The following PSAP variants were observed in gnomAD, a reference collection of about 807,000 sequenced individuals.
PSAP encodes prosaposin.
In PSAP, 25 loss-of-function variants were observed where a neutral mutation model predicts 66.0. The ratio of observed to expected loss-of-function variants is 0.38; its 90% CI spans 0.28 to 0.53. PSAP has a LOEUF of 0.53. PSAP is among the 20% of genes least tolerant of loss of function. The pLI is 0.83. For missense variants in PSAP, 649 were observed against 668.8 expected (o/e 0.97, Z 0.33); for synonymous variants, 273 against 258.9 (o/e 1.05, Z -0.52).
rs1378455894 is a variant in PSAP, at chr10:71,819,869, C to A, written c.1037G>T (p.Cys346Phe). 1.2e-6 allele frequency: 2 copies of A among 1,614,012 alleles called. No individual in the cohort carries two copies. Among genetic ancestry groups the A allele is most frequent in the East Asian group, 2.2e-5 (1 of 44,886 alleles). Residue 346 changes from cysteine to phenylalanine, a missense_variant, in exon 10 of 14, where the codon TGC becomes TTC. Cys to Phe is a radical substitution (Grantham distance 205). Transcript: ENST00000394936. Reference sequence around the variant, plus strand: ...CGACAGGGACTTCGGCAGCTTCGAGCACATTTTGTCAAAAGCGTCGAGTAT... The same window carrying A: ...CGACAGGGACTTCGGCAGCTTCGAGAACATTTTGTCAAAAGCGTCGAGTAT... ...KEILDAFDKM[C>F]SKLPKSLSEE...
chr10:71,833,032 C>CAAAAAAAAAA (rs1220122223), intron 2 of PSAP, among the ~76,000 whole-genome samples: 1 of 95,362 alleles, frequency 1.0e-5, no homozygotes, highest in Non-Finnish European at 2.0e-5. Flanking sequence ...AAAAAAAAAA[C>CAAAAAAAAAA]AAAAAACAAA....
intron 5 of PSAP, 136 bp from the exon 6 acceptor site, chr10:71,828,293 C>T: frequency 1.1e-6 from 1 of 892,886 alleles, no homozygotes; most frequent in Non-Finnish European, 1.9e-6. Context: ...TCTCAAATTA[C>T]TGATAGGCTT....
chr10:71,843,411 T>G (rs1056091340), intron 1 of PSAP, among the ~76,000 whole-genome samples: 1 of 151,676 alleles, frequency 6.6e-6, no homozygotes. Context: ...CTGGTATCAA[T>G]GCCTGAAAAA....
chr10:71,819,280 CT>C (rs1185596724), intron 11 of PSAP, 169 bp from the exon 12 acceptor site: 1 of 1,056,978 alleles, frequency 9.5e-7, no homozygotes, highest in Admixed American at 2.0e-5. Flanking sequence ...CATTTGGCCT[CT>C]CTACTTCAGG....
intron 8 of PSAP, among the ~76,000 whole-genome samples, chr10:71,821,255 G>A (rs554283857): frequency 1.9e-3 from 294 of 152,340 alleles, no homozygotes; most frequent in Non-Finnish European, 3.5e-3. Context: ...CATGTGCCAC[G>A]TGTTAAGGCA....
chr10:71,849,364 ACT>A (rs1842881572), intron 1 of PSAP, among the ~76,000 whole-genome samples: 1 of 152,218 alleles, frequency 6.6e-6, no homozygotes, highest in African/African-American at 2.4e-5. Flanking sequence ...CCACTTTGTT[ACT>A]TTTTATTAAA....
In PSAP at chr10:71,816,516, C is replaced by T. The variant is rs535249844; in HGVS notation, c.*925G>A. ...ACACCCAGCAGACCCTTCGGCATGC[C>T]GCCCTCTACCAGGAAGCCAGAGGCC... On this transcript the variant is annotated 3_prime_UTR_variant, in exon 14 of 14. Coordinates refer to ENST00000394936, the MANE Select transcript of PSAP (RefSeq NM_002778.4). The T allele has an allele frequency of 1.4e-4, 63 of 459,448 alleles. 1 individual carries two copies. The East Asian group carries it at 3.6e-3, about 26-fold the overall frequency. The allele number at this position is 459,448 out of a possible 1,614,324, so 28.5% of individuals were successfully genotyped here. A position where few individuals can be genotyped will look rare whatever the true frequency, so the allele number is the denominator to read the frequency against.
intron 8 of PSAP, among the ~76,000 whole-genome samples, chr10:71,820,944 A>C (rs535511830): frequency 1.3e-5 from 2 of 152,256 alleles, no homozygotes; most frequent in Admixed American, 1.3e-4. Context: ...TGGCTGGTGT[A>C]GCCAAGGGGC....
chr10:71,828,861 C>T lies in PSAP; in HGVS notation c.576+16G>A, dbSNP rs1206098476. ...CAACCAAAAATGGGTCCTCAGTGGC[C>T]AGCCCGTTGTCTTACCTTTGGCTGG... is the stretch of plus-strand genomic sequence containing the variant. On this transcript the variant is annotated intron_variant, in intron 5 of 13. Coordinates refer to ENST00000394936, the MANE Select transcript of PSAP (RefSeq NM_002778.4). The T allele has an allele frequency of 6.2e-7, 1 of 1,613,602 alleles. No homozygotes were observed. The highest frequency in any genetic ancestry group is 8.5e-7 in the Non-Finnish European group (1 of 1,179,914).
Position 71,817,451 on chromosome 10 carries a change from A to C in PSAP, c.1565T>G (p.Val522Gly). 6.2e-7 allele frequency: 1 copy of C among 1,614,202 alleles called. No homozygotes were observed. The highest frequency in any genetic ancestry group is 1.1e-5 in the South Asian group (1 of 91,088). ...CNAVEHCKRH[V>G]WN is the part of the protein sequence containing the mutation. ...GGAATATTCCTCCTCCTAGTTCCAC[A>C]CATGGCGTTTGCAATGCTCGACAGC... The change falls in exon 14 of 14, where the codon GTG becomes GGG. Residue 522 changes from valine (V) to glycine (G), a missense_variant. By Grantham distance (109) the Val-to-Gly change is moderately radical. Transcript: ENST00000394936.
At chr10:71,840,470 G>C (rs1162080004) in intron 1 of PSAP, among the ~76,000 whole-genome samples, 1 of 152,248 alleles carries the variant, frequency 6.6e-6, no homozygotes, top group Non-Finnish European at 1.5e-5. Flanking sequence ...CTATGGCAAA[G>C]AGCACTTGTC....
intron 2 of PSAP, 89 bp from the exon 3 acceptor site, chr10:71,832,009 C>T: frequency 7.8e-7 from 1 of 1,274,362 alleles, no homozygotes; most frequent in Non-Finnish European, 1.1e-6. Context: ...TTTCGCTATT[C>T]TCTCTAACCA....
At chr10:71,823,523 A>T (rs145675480) in intron 7 of PSAP, among the ~76,000 whole-genome samples, 113 of 152,318 alleles carry the variant, frequency 7.4e-4, no homozygotes, top group African/African-American at 2.7e-3. Context: ...CCTACACTGG[A>T]CTTCCTAACT....
In PSAP at chr10:71,817,326, G is replaced by T. The variant is rs1281142624; in HGVS notation, c.*115C>A. 8.7e-7 allele frequency: 1 copy of T among 1,146,258 alleles called. No individual in the cohort carries two copies. Among genetic ancestry groups the T allele is most frequent in the East Asian group, 2.3e-5 (1 of 42,780 alleles). The allele number at this position is 1,146,258 out of a possible 1,614,324, so 71.0% of individuals were successfully genotyped here. A position where few individuals can be genotyped will look rare whatever the true frequency, so the allele number is the denominator to read the frequency against. ...TAAAGGACACAGAAATGGGGGAGGT[G>T]GGGGAGCCCTATTTTTATAACAAAG... On this transcript the variant is annotated 3_prime_UTR_variant, in exon 14 of 14. Coordinates refer to ENST00000394936, the MANE Select transcript of PSAP (RefSeq NM_002778.4).
At chr10:71,819,249 C>A in intron 11 of PSAP, 138 bp from the exon 12 acceptor site, 1 of 1,022,216 alleles carries the variant, frequency 9.8e-7, no homozygotes. Context: ...CTGGGGCCTC[C>A]CTTTCCAGAC....
At chr10:71,819,248 C>T (rs1413827436) in intron 11 of PSAP, 137 bp from the exon 12 acceptor site, 3 of 1,030,540 alleles carry the variant, frequency 2.9e-6, no homozygotes, top group Non-Finnish European at 4.4e-6. Flanking sequence ...CCTGGGGCCT[C>T]CCTTTCCAGA....
rs1210324539 is a variant in PSAP, at chr10:71,817,064, G to A, written c.*377C>T. 1 of 373,770 alleles carries A rather than the reference G, an allele frequency of 2.7e-6. No homozygotes were observed. The highest frequency in any genetic ancestry group is 2.1e-5 in the African/African-American group (1 of 48,510). The allele number at this position is 373,770 out of a possible 1,614,324, so 23.2% of individuals were successfully genotyped here. ...CCACCTCAGAAGCCCAGGCCCACCA[G>A]TGCCCAAGCACATGTCAGGGCTCAG... On this transcript the variant is annotated 3_prime_UTR_variant, in exon 14 of 14. Transcript: ENST00000394936.
chr10:71,818,334 C>A (rs539325129), intron 13 of PSAP, among the ~76,000 whole-genome samples: 1 of 152,268 alleles, frequency 6.6e-6, no homozygotes, highest in East Asian at 1.9e-4. Context: ...AAGTCTGACA[C>A]TGTCACAAGG....
At chr10:71,819,373 A>G in intron 11 of PSAP, 92 bp downstream of exon 11, 1 of 1,561,450 alleles carries the variant, frequency 6.4e-7, no homozygotes. Context: ...GGAGGCAGAA[A>G]CAGCTGGTTT....
Sources: gnomAD v4.1 joint callset for allele counts (sites outside exome capture counted in the v4.1 genomes callset) on GRCh38, gnomAD v4.1.1 for gene constraint, MANE v1.5 for transcripts, NCBI Gene and HGNC (gene_info 2026-07-23, HGNC 2026-07-21) for gene names.